The following ADCY3 variants were observed in gnomAD, a reference collection of about 807,000 sequenced individuals.
The protein encoded by ADCY3 is adenylate cyclase 3.
Under a neutral mutation model 119.4 loss-of-function variants are expected in ADCY3, and 70 were observed. The observed-to-expected ratio is 0.59, with a 90% CI of 0.48 to 0.72. The LOEUF (loss-of-function observed/expected upper bound fraction) is 0.72, where lower values mean the gene tolerates loss of function less well. ADCY3 is among the 30% of genes least tolerant of loss of function. ADCY3 has a pLI of 0.00. For missense variants in ADCY3, 1,238 were observed against 1,541.6 expected (o/e 0.80, Z 3.30); for synonymous variants, 672 against 621.4 (o/e 1.08, Z -1.21).
Position 24,819,731 on chromosome 2 carries a change from A to T in ADCY3, c.*201T>A. ...GTTCAGCCCTATGCCTAAGACCCCT[A>T]TGCTGGGGACACTACAGGCACACAC... is the stretch of plus-strand genomic sequence containing the variant. On this transcript the variant is annotated 3_prime_UTR_variant, in exon 22 of 22. Transcript: ENST00000679454. 1.7e-6 allele frequency: 1 copy of T among 593,318 alleles called. No individual in the cohort carries two copies. 36.8% of individuals were successfully genotyped at this position (593,318 alleles called of 1,614,324 possible).
chr2:24,837,004 G>C lies in ADCY3; in HGVS notation c.1575C>G (p.Ser525=), dbSNP rs775238287. The change falls in exon 9 of 22, where the codon TCC becomes TCG. Residue 525 remains serine, a synonymous_variant. Coordinates refer to ENST00000679454, the MANE Select transcript of ADCY3 (RefSeq NM_004036.5). ...GCTCCTTGGTCTCAATGAGGGCAGG[G>C]GAGCTGGACTTTGAGGAAGCTGGTG... is the stretch of plus-strand genomic sequence containing the variant. ...NGAPASSKSS[S]PALIETKEPN... The C allele has an allele frequency of 6.2e-7, 1 of 1,614,118 alleles. No individual in the cohort carries two copies. The highest frequency in any genetic ancestry group is 1.1e-5 in the South Asian group (1 of 91,074).
intron 2 of ADCY3, among the ~76,000 whole-genome samples, chr2:24,895,951 C>T (rs1203766385): frequency 6.6e-6 from 1 of 152,164 alleles, no homozygotes; most frequent in Non-Finnish European, 1.5e-5. Flanking sequence ...ATCTACCTAG[C>T]TTTTCATTTT....
At chr2:24,900,369 A>AT (rs1242227965) in intron 2 of ADCY3, among the ~76,000 whole-genome samples, 3 of 151,642 alleles carry the variant, frequency 2.0e-5, no homozygotes, top group Non-Finnish European at 1.5e-5. Flanking sequence ...TAAATAAAAA[A>AT]TTTTTTAAAA....
intron 12 of ADCY3, among the ~76,000 whole-genome samples, chr2:24,831,046 A>AC (rs576469674): frequency 9.4e-4 from 143 of 152,216 alleles, no homozygotes; most frequent in African/African-American, 3.3e-3. Context: ...GTTCAACAGC[A>AC]CAGCCTCCAG....
intron 2 of ADCY3, among the ~76,000 whole-genome samples, chr2:24,891,635 G>C (rs1299113109): frequency 6.6e-6 from 1 of 152,142 alleles, no homozygotes; most frequent in Non-Finnish European, 1.5e-5. Flanking sequence ...GAAGATCTAG[G>C]GTAAGAGCAA....
At position 24,821,506 on chromosome 2, in the gene ADCY3, G is replaced by A; in HGVS notation, c.3127+11C>T. The A allele has an allele frequency of 4.3e-6, 7 of 1,613,590 alleles. No individual in the cohort carries two copies. Among genetic ancestry groups the A allele is most frequent in the Non-Finnish European group, 5.9e-6 (7 of 1,179,754 alleles). ...AGCCTGCTGCGGGGCAGGCCAGCTG[G>A]GGGTGCTCACCTATGCGCAGCATGA... On this transcript the variant is annotated intron_variant, in intron 20 of 21. Coordinates refer to ENST00000679454, the MANE Select transcript of ADCY3 (RefSeq NM_004036.5).
At position 24,842,184 on chromosome 2, in the gene ADCY3, C is replaced by G. The variant is rs571880462; in HGVS notation, c.956+70G>C. 1 of 1,602,294 alleles carries G rather than the reference C, an allele frequency of 6.2e-7. No homozygotes were observed. The highest frequency in any genetic ancestry group is 2.2e-5 in the East Asian group (1 of 44,752). On this transcript the variant is annotated intron_variant, in intron 4 of 21. Transcript: ENST00000679454. This position sits in a 1 kb window ranked among gnomAD's most constrained non-coding sequence, Gnocchi z 4.9. ...ACCTCTTGAAGCCCACAGCACCTAGCGGGTCCCACAAAGATGCAGCCCTCC... is the reference window on the plus strand; with the variant it reads ...ACCTCTTGAAGCCCACAGCACCTAGGGGGTCCCACAAAGATGCAGCCCTCC...
At chr2:24,873,282 A>G (rs1675257183) in intron 2 of ADCY3, among the ~76,000 whole-genome samples, 1 of 152,068 alleles carries the variant, frequency 6.6e-6, no homozygotes, top group South Asian at 2.1e-4. Context: ...TACCTTACAC[A>G]TGTGTCATAG....
At chr2:24,825,759 T>C (rs1668529279) in intron 16 of ADCY3, 4 of 446,330 alleles carry the variant, frequency 9.0e-6, no homozygotes, top group Admixed American at 3.8e-5. Flanking sequence ...GATATTGATT[T>C]GATTCAAGAT....
intron 2 of ADCY3, among the ~76,000 whole-genome samples, chr2:24,901,910 A>T (rs775193675): frequency 6.9e-6 from 1 of 145,134 alleles, no homozygotes; most frequent in Non-Finnish European, 1.5e-5. Flanking sequence ...AATGTTTTCA[A>T]TTAAAACAAA....
At chr2:24,839,790 C>G (rs575955362) in intron 7 of ADCY3, 83 bp downstream of exon 7, 1 of 1,589,752 alleles carries the variant, frequency 6.3e-7, no homozygotes, top group African/African-American at 1.3e-5. Flanking sequence ...CCCCCTGTCC[C>G]TCATCAGGGT....
chr2:24,907,255 C>A (rs1256898193), intron 2 of ADCY3, among the ~76,000 whole-genome samples: 1 of 151,322 alleles, frequency 6.6e-6, no homozygotes, highest in Admixed American at 6.6e-5. Flanking sequence ...CTGTCGCAGT[C>A]TTCCACTACC....
intron 7 of ADCY3, 61 bp from the exon 8 acceptor site, chr2:24,838,683 GA>G (rs1202680264): frequency 6.2e-7 from 1 of 1,605,104 alleles, no homozygotes; most frequent in African/African-American, 1.3e-5. Context: ...ACCCCCAGGG[GA>G]CAGTCCACGG....
At position 24,918,041 on chromosome 2, in the gene ADCY3, C is replaced by T. The variant is rs1460576222; in HGVS notation, c.675+272G>A. ...TGCCTCAAGACCAGCCCTGGGTGGG[C>T]CTTCCTGTCACACACTTAGACTGGG... On this transcript the variant is annotated intron_variant, in intron 2 of 21. Coordinates refer to ENST00000679454, the MANE Select transcript of ADCY3 (RefSeq NM_004036.5). The surrounding 1 kb of genome is among the most constrained non-coding windows in gnomAD (Gnocchi z 5.4). Among the ~76,000 whole-genome samples the T allele has an allele frequency of 1.3e-5, 2 of 152,154 alleles. No homozygotes were observed. Among genetic ancestry groups the T allele is most frequent in the Admixed American group, 6.5e-5 (1 of 15,276 alleles).
At chr2:24,901,139 G>T (rs1678853474) in intron 2 of ADCY3, among the ~76,000 whole-genome samples, 1 of 152,200 alleles carries the variant, frequency 6.6e-6, no homozygotes, top group Non-Finnish European at 1.5e-5. Flanking sequence ...GCAGGAAGGG[G>T]CAGGGGCACA....
chr2:24,824,550 C>T lies in ADCY3; in HGVS notation c.2578-14G>A. On this transcript the variant is annotated splice_polypyrimidine_tract_variant and intron_variant, in intron 16 of 21. Coordinates refer to ENST00000679454, the MANE Select transcript of ADCY3 (RefSeq NM_004036.5). ...CAGTTTTTCTACCTACAGACACAGACAAGGCGAGGCATGTGCTCTAAGCTG... is the reference window on the plus strand; with the variant it reads ...CAGTTTTTCTACCTACAGACACAGATAAGGCGAGGCATGTGCTCTAAGCTG... 3 of 1,613,388 alleles carry T rather than the reference C, an allele frequency of 1.9e-6. No homozygotes were observed. Among genetic ancestry groups the T allele is most frequent in the Non-Finnish European group, 2.5e-6 (3 of 1,179,448 alleles).
Position 24,823,317 on chromosome 2 carries a change from C to T in ADCY3, c.2775G>A (p.Met925Ile), listed in dbSNP as rs1285236609. ...YSQTYDEIGVMFASLPNFADF... is the reference protein window; with the variant it reads ...YSQTYDEIGVIFASLPNFADF... ...CAGCAAAGTTGGGCAGGGAGGCAAA[C>T]ATGACTCCAATCTCATCATACGTCT... Residue 925 changes from methionine (M) to isoleucine (I), a missense_variant, in exon 18 of 22, where the codon ATG becomes ATA. By Grantham distance (10) the Met-to-Ile change is conservative. Coordinates refer to ENST00000679454, the MANE Select transcript of ADCY3 (RefSeq NM_004036.5). 1 of 1,613,884 alleles carries T rather than the reference C, an allele frequency of 6.2e-7. No homozygotes were observed.
chr2:24,831,524 A>C (rs1460751263), intron 12 of ADCY3, 138 bp downstream of exon 12: 8 of 705,228 alleles, frequency 1.1e-5, no homozygotes, highest in Admixed American at 4.4e-5. Context: ...ATGGATGGGC[A>C]AGTGCCTGGA....
At chr2:24,876,594 G>T (rs555711152) in intron 2 of ADCY3, among the ~76,000 whole-genome samples, 2 of 152,280 alleles carry the variant, frequency 1.3e-5, no homozygotes, top group Admixed American at 6.5e-5. Flanking sequence ...CATGAGCAGG[G>T]CCCTGAGCTG....
Sources: allele counts gnomAD v4.1 joint callset (sites outside exome capture counted in the v4.1 genomes callset), GRCh38; gene constraint gnomAD v4.1.1; non-coding constraint Gnocchi (gnomAD v3.1); transcripts MANE v1.5; gene names NCBI Gene and HGNC (gene_info 2026-07-23, HGNC 2026-07-21).